Variants in ABCA4 observed in about 807,000 individuals in gnomAD.
The protein encoded by ABCA4 is ATP binding cassette subfamily A member 4.
Under a neutral mutation model 263.7 loss-of-function variants are expected in ABCA4, and 196 were observed. The ratio of observed to expected loss-of-function variants is 0.74; its 90% CI spans 0.66 to 0.84. The LOEUF (loss-of-function observed/expected upper bound fraction) is 0.84. Ranked by LOEUF, ABCA4 falls within the 40% of genes least tolerant of loss-of-function variation. ABCA4 has a pLI of 0.00. For synonymous variants in ABCA4, 1,133 were observed against 1,094.2 expected (o/e 1.04, Z -0.70); for missense variants, 2,792 against 2,855.1 (o/e 0.98, Z 0.50).
intron 32 of ABCA4, 79 bp from the exon 33 acceptor site, chr1:94,022,030 A>C: frequency 8.2e-7 from 1 of 1,223,154 alleles, no homozygotes; most frequent in South Asian, 1.2e-5. Context: ...TTTTGTAGGG[A>C]AACATGAACT....
In ABCA4 at chr1:94,001,493, A is replaced by G. The variant is rs551123639; in HGVS notation, c.6282+365T>C. The G allele has an allele frequency of 7.5e-6, 4 of 533,882 alleles. 1 individual carries two copies. 33.1% of individuals were successfully genotyped at this position (533,882 alleles called of 1,614,324 possible). A position where few individuals can be genotyped will look rare whatever the true frequency, so the allele number is the denominator to read the frequency against. ...CCTTGGGCTGCGTGGGCATGGCCTC[A>G]GGCCTGGCCTGGCTCAGCTCAGGAG... On this transcript the variant is annotated intron_variant, in intron 45 of 49. Transcript: ENST00000370225.
intron 7 of ABCA4, among the ~76,000 whole-genome samples, chr1:94,082,401 T>G (rs1019861130): frequency 6.6e-6 from 1 of 152,240 alleles, no homozygotes; most frequent in Non-Finnish European, 1.5e-5. Flanking sequence ...CTTTGGGGAT[T>G]GTTTGTACAT....
At chr1:94,098,316 G>A (rs548643422) in intron 6 of ABCA4, among the ~76,000 whole-genome samples, 57 of 152,198 alleles carry the variant, frequency 3.7e-4, no homozygotes, top group Non-Finnish European at 7.3e-4. Flanking sequence ...AGAGGAAGAA[G>A]CATGGGGCCA....
intron 13 of ABCA4, among the ~76,000 whole-genome samples, 160 bp from the exon 14 acceptor site, chr1:94,060,919 C>A (rs1300748740): frequency 6.6e-6 from 1 of 152,226 alleles, no homozygotes; most frequent in Admixed American, 6.5e-5. Context: ...AATCTTTTAA[C>A]ACATTCCATG....
At chr1:94,000,963 G>A (rs1362850881) in intron 46 of ABCA4, 35 bp from the exon 47 acceptor site, 1 of 1,613,904 alleles carries the variant, frequency 6.2e-7, no homozygotes, top group South Asian at 1.1e-5. Context: ...AGCAGGAGAG[G>A]ATTCCCACCC....
Position 94,014,666 on chromosome 1 carries a change from G to C in ABCA4, c.5337C>G (p.Tyr1779Ter), listed in dbSNP as rs61750573. The change falls in exon 38 of 50, where the codon TAC becomes TAG. Residue 1779 changes from tyrosine (Y) to a stop codon, truncating the protein, a stop_gained. Transcript: ENST00000370225. LOFTEE classifies it high-confidence loss of function. ...GGACATCAAACAGGAAGGATGCTGG[G>C]TACATCATGGGAATGACCGCCCATC... ...LYGWAVIPMM[Y>*]PASFLFDVPS... is the part of the protein sequence containing the mutation. The C allele has an allele frequency of 1.9e-6, 3 of 1,614,194 alleles. No homozygotes were observed. The African/African-American group carries it at 4.0e-5, about 22-fold the overall frequency.
At position 94,080,603 on chromosome 1, in the gene ABCA4, C is replaced by A. The variant is rs1661666368; in HGVS notation, c.974G>T (p.Gly325Val). The A allele has an allele frequency of 5.0e-6, 8 of 1,614,028 alleles. No homozygotes were observed. Among genetic ancestry groups the A allele is most frequent in the Non-Finnish European group, 6.8e-6 (8 of 1,180,032 alleles). Residue 325 changes from glycine (G) to valine (V), a missense_variant, in exon 8 of 50, where the codon GGC (glycine) becomes GTC (valine). Gly to Val is a moderately radical substitution (Grantham distance 109). Transcript: ENST00000370225. Reference sequence around the variant, plus strand: ...CCGAGAGCCACCTCCCTCGGGGTAGCCACACAGGAGGTCAGACAGGATGCC... The same window carrying A: ...CCGAGAGCCACCTCCCTCGGGGTAGACACACAGGAGGTCAGACAGGATGCC... ...LMGILSDLLC[G>V]YPEGGGSRVL...
rs114334776 is a variant in ABCA4 at position 93,997,252 on chromosome 1, G to A, written c.6729+609C>T. ...ACTAAACTGTACATTTAAAATAGGT[G>A]TTTTTGTTTTGTTTTGCTTTTTTGA... On this transcript the variant is annotated intron_variant, in intron 48 of 49. Transcript: ENST00000370225. Among the ~76,000 whole-genome samples, 1,318 of 152,204 alleles carry A rather than the reference G, an allele frequency of 8.7e-3. 8 individuals are homozygous for A. Among genetic ancestry groups the A allele is most frequent in the African/African-American group, 0.023 (958 of 41,538 alleles).
intron 45 of ABCA4, chr1:94,001,374 A>C: frequency 1.8e-6 from 1 of 565,368 alleles, no homozygotes; most frequent in African/African-American, 1.9e-5. Context: ...AATTCTCCTC[A>C]AAAAAAGAAA....
chr1:94,006,864 TG>T (rs1659403202), intron 43 of ABCA4, among the ~76,000 whole-genome samples: 1 of 152,242 alleles, frequency 6.6e-6, no homozygotes, highest in Non-Finnish European at 1.5e-5. Context: ...AGGCTTCCTC[TG>T]GGCACCTCTA....
At position 94,014,455 on chromosome 1, in the gene ABCA4, G is replaced by A. The variant is rs973264884; in HGVS notation, c.5460+88C>T. 2.0e-6 allele frequency: 3 copies of A among 1,476,038 alleles called. No homozygotes were observed. In the East Asian group the frequency reaches 6.8e-5, roughly 33 times the overall value. 91.4% of individuals were successfully genotyped at this position (1,476,038 alleles called of 1,614,324 possible). A position where few individuals can be genotyped will look rare whatever the true frequency, so the allele number is the denominator to read the frequency against. On this transcript the variant is annotated intron_variant, in intron 38 of 49. Transcript: ENST00000370225. ...ACTCATCCGCATACAGCTGCTACAT[G>A]TACGATGCTTGCCCCTGGCTCTGCT...
chr1:93,997,063 A>G (rs116627664), intron 48 of ABCA4, among the ~76,000 whole-genome samples: 3,750 of 152,274 alleles, frequency 0.025, 127 homozygotes, highest in African/African-American at 0.078. Flanking sequence ...TCTATCGGGG[A>G]TGGTGGTAAC....
chr1:94,049,005 C>G lies in ABCA4; in HGVS notation c.2654-48G>C, dbSNP rs12069723. On this transcript the variant is annotated intron_variant, in intron 17 of 49. Transcript: ENST00000370225. ...TTACTCTACCACCGGGAGCTGAGAACGAGCAAAGGCAGGAAAGGAGGGGAG... is the reference window on the plus strand; with the variant it reads ...TTACTCTACCACCGGGAGCTGAGAAGGAGCAAAGGCAGGAAAGGAGGGGAG... 9.3e-3 allele frequency: 14,828 copies of G among 1,593,660 alleles called. 1,123 individuals are homozygous for G. The African/African-American group carries it at 0.17, about 18-fold the overall frequency.
At chr1:94,062,439 A>C (rs1661152062) in intron 13 of ABCA4, 138 bp downstream of exon 13, 1 of 987,638 alleles carries the variant, frequency 1.0e-6, no homozygotes, top group South Asian at 1.5e-5. Flanking sequence ...TCAGAGCTCC[A>C]TGCTCTCCAA....
rs966448556 is a variant in ABCA4 at position 94,001,173 on chromosome 1, G to C, written c.6283-68C>G. On this transcript the variant is annotated intron_variant, in intron 45 of 49. Coordinates refer to ENST00000370225, the MANE Select transcript of ABCA4 (RefSeq NM_000350.3). ...GCCCTTCTGATTACTGCTTCCCCCT[G>C]GGCTGGCTCCCCTGTGGAGGATGAG... The C allele has an allele frequency of 3.7e-6, 5 of 1,339,982 alleles. No homozygotes were observed. In the African/African-American group the frequency reaches 5.9e-5, roughly 16 times the overall value. The allele number at this position is 1,339,982 out of a possible 1,614,324, so 83.0% of individuals were successfully genotyped here.
At chr1:94,116,974 C>CTTTCTTTCTT (rs1302853205) in intron 1 of ABCA4, among the ~76,000 whole-genome samples, 3 of 86,314 alleles carry the variant, frequency 3.5e-5, no homozygotes, top group Admixed American at 3.4e-4. Context: ...CTTTCTCTTT[C>CTTTCTTTCTT]TTTCTTTCTT....
At chr1:94,003,305 CTCTT>C (rs1659246000) in intron 44 of ABCA4, among the ~76,000 whole-genome samples, 1 of 151,286 alleles carries the variant, frequency 6.6e-6, no homozygotes, top group African/African-American at 2.4e-5. Context: ...ATTTCCATAG[CTCTT>C]TCTTTGTCTT....
chr1:94,050,445 G>A (rs1660804199), intron 17 of ABCA4, among the ~76,000 whole-genome samples: 1 of 152,142 alleles, frequency 6.6e-6, no homozygotes, highest in Non-Finnish European at 1.5e-5. Flanking sequence ...CTCTTTTCTG[G>A]TTTTAGAGAG....
chr1:94,026,112 T>A (rs939661492), intron 30 of ABCA4, among the ~76,000 whole-genome samples: 4 of 152,216 alleles, frequency 2.6e-5, no homozygotes, highest in African/African-American at 9.7e-5. Flanking sequence ...ATAAAAGCAT[T>A]CACTCTGTCA....
Sources: gnomAD v4.1 joint callset for allele counts (sites outside exome capture counted in the v4.1 genomes callset) on GRCh38, gnomAD v4.1.1 for gene constraint, MANE v1.5 for transcripts, NCBI Gene and HGNC (gene_info 2026-07-23, HGNC 2026-07-21) for gene names.